DTNA: variants seen among roughly 807,000 people sequenced by gnomAD.
The protein encoded by DTNA is dystrobrevin alpha.
In DTNA, 43 loss-of-function variants were observed where a neutral mutation model predicts 100.7. That is an observed-to-expected ratio of 0.43 (90% CI 0.33 to 0.55). The LOEUF is 0.55. Ranked by LOEUF, DTNA falls within the 20% of genes least tolerant of loss-of-function variation. The pLI is 0.04. For synonymous variants in DTNA, 349 were observed against 347.9 expected (o/e 1.00, Z -0.04); for missense variants, 798 against 953.9 (o/e 0.84, Z 2.15).
intron 13 of DTNA, among the ~76,000 whole-genome samples, chr18:34,847,352 T>TA (rs2096398359): frequency 6.6e-6 from 1 of 152,162 alleles, no homozygotes; most frequent in Non-Finnish European, 1.5e-5. Context: ...AAAGTAAATA[T>TA]AAAAGGCAGG....
intron 1 of DTNA, among the ~76,000 whole-genome samples, chr18:34,561,646 G>C (rs751969273): frequency 1.3e-5 from 2 of 152,128 alleles, no homozygotes; most frequent in East Asian, 1.9e-4. Context: ...GGCCTTATTT[G>C]CTTGTCTTCT....
intron 1 of DTNA, chr18:34,683,638 G>T (rs894245655): frequency 6.6e-6 from 1 of 152,112 alleles, no homozygotes; most frequent in African/African-American, 2.4e-5. Flanking sequence ...ATGCGCAAAT[G>T]CCATCATGAA....
intron 1 of DTNA, among the ~76,000 whole-genome samples, chr18:34,746,287 A>T (rs2091569747): frequency 6.6e-6 from 1 of 152,116 alleles, no homozygotes; most frequent in Non-Finnish European, 1.5e-5. Context: ...AGAAACAGAT[A>T]TATTTTCATG....
At chr18:34,650,595 G>A (rs1004733949) in intron 1 of DTNA, among the ~76,000 whole-genome samples, 1 of 152,104 alleles carries the variant, frequency 6.6e-6, no homozygotes. Flanking sequence ...TTCTTAGCCT[G>A]TGGCACCTTC....
chr18:34,842,380 T>A (rs2096284014), intron 13 of DTNA, among the ~76,000 whole-genome samples: 1 of 152,174 alleles, frequency 6.6e-6, no homozygotes, highest in African/African-American at 2.4e-5. Context: ...AAAAGACATC[T>A]AAGAATGCCT....
intron 3 of DTNA, among the ~76,000 whole-genome samples, chr18:34,777,951 T>C (rs1292995460): frequency 6.6e-6 from 1 of 152,214 alleles, no homozygotes; most frequent in Non-Finnish European, 1.5e-5. Context: ...ATAAGGCTTC[T>C]AAAAATCTTA....
intron 1 of DTNA, among the ~76,000 whole-genome samples, chr18:34,717,910 G>T (rs1300474536): frequency 6.6e-6 from 1 of 152,146 alleles, no homozygotes; most frequent in Admixed American, 6.6e-5. Flanking sequence ...TGTGTAGACA[G>T]AAATGAGTCC....
At chr18:34,675,392 C>CGGGT (rs2077278475) in intron 1 of DTNA, among the ~76,000 whole-genome samples, 1 of 151,960 alleles carries the variant, frequency 6.6e-6, no homozygotes, top group African/African-American at 2.4e-5. Context: ...TTTAGGCTAC[C>CGGGT]CGTTCTTGAA....
chr18:34,521,332 C>T (rs1279055174), intron 1 of DTNA, among the ~76,000 whole-genome samples: 1 of 152,178 alleles, frequency 6.6e-6, no homozygotes, highest in Non-Finnish European at 1.5e-5. Context: ...GCCATTCAAT[C>T]CAAATCACTA....
At chr18:34,655,359 C>G (rs937678516) in intron 1 of DTNA, among the ~76,000 whole-genome samples, 1 of 152,088 alleles carries the variant, frequency 6.6e-6, no homozygotes, top group Non-Finnish European at 1.5e-5. Flanking sequence ...CCAAGGCCTC[C>G]TCCCCCACCT....
At chr18:34,778,719 A>T (rs2094176258) in intron 3 of DTNA, among the ~76,000 whole-genome samples, 1 of 152,220 alleles carries the variant, frequency 6.6e-6, no homozygotes, top group Admixed American at 6.5e-5. Flanking sequence ...TGGTACCCCT[A>T]AAAAATGTTC....
chr18:34,666,614 G>A (rs561208704), intron 1 of DTNA, among the ~76,000 whole-genome samples: 63 of 152,260 alleles, frequency 4.1e-4, no homozygotes, highest in Non-Finnish European at 6.5e-4. Context: ...TATAAGGAAG[G>A]GATCCAGTTT....
At position 34,744,165 on chromosome 18, in the gene DTNA, A is replaced by G. The variant is rs139297838; in HGVS notation, c.-1-11811A>G. On this transcript the variant is annotated intron_variant, in intron 1 of 22. Coordinates refer to ENST00000444659, the MANE Select transcript of DTNA (RefSeq NM_001386795.1). ...ATTAATGACATAAAATAAACTTCCC[A>G]TGGTGAAATTTCAAGGTACATCTCA... Among the ~76,000 whole-genome samples, 958 of 152,286 alleles carry G rather than the reference A, an allele frequency of 6.3e-3. 9 individuals are homozygous for G. Among genetic ancestry groups the G allele is most frequent in the African/African-American group, 0.022 (920 of 41,572 alleles).
Position 34,794,054 on chromosome 18 carries a change from T to C in DTNA, c.166T>C (p.Trp56Arg). Residue 56 changes from tryptophan (W) to arginine (R), a missense_variant, in exon 4 of 23, where the codon TGG (tryptophan) becomes CGG (arginine). Physicochemically the swap from Trp to Arg is moderately radical, Grantham distance 101. This residue lies in a region of DTNA where 197 missense variants were observed against 215.4 expected (regional missense o/e 0.91). Coordinates refer to ENST00000444659, the MANE Select transcript of DTNA (RefSeq NM_001386795.1). ...KKCNLHLVDI[W>R]NVIEALRENA... ...AATTGTAGTGCACCTGGTGGACATA[T>C]GGAATGTCATAGAAGCATTGCGGGA... 6.2e-7 allele frequency: 1 copy of C among 1,614,050 alleles called. No individual in the cohort carries two copies. Among genetic ancestry groups the C allele is most frequent in the Non-Finnish European group, 8.5e-7 (1 of 1,179,984 alleles).
chr18:34,810,244 C>A (rs1458452875), intron 5 of DTNA, among the ~76,000 whole-genome samples: 2 of 152,026 alleles, frequency 1.3e-5, no homozygotes, highest in Non-Finnish European at 2.9e-5. Context: ...GTTGTTTTGC[C>A]TCTACGCCTA....
chr18:34,766,622 T>C (rs1244503634), intron 3 of DTNA, among the ~76,000 whole-genome samples: 2 of 152,058 alleles, frequency 1.3e-5, no homozygotes, highest in Admixed American at 6.6e-5. Flanking sequence ...TGTATACATA[T>C]GTAACAAACC....
chr18:34,676,365 G>A (rs369442856), intron 1 of DTNA, among the ~76,000 whole-genome samples: 2 of 152,164 alleles, frequency 1.3e-5, no homozygotes, highest in East Asian at 3.9e-4. Context: ...ATGGTACTCT[G>A]TGGTAAGACA....
At chr18:34,712,705 T>A (rs1334848757) in intron 1 of DTNA, among the ~76,000 whole-genome samples, 1 of 152,166 alleles carries the variant, frequency 6.6e-6, no homozygotes, top group Non-Finnish European at 1.5e-5. Flanking sequence ...TTGTTTCAAC[T>A]CTTGTTTAAA....
In DTNA at chr18:34,628,977, A is replaced by G. The variant is rs541202252; in HGVS notation, c.-1-126999A>G. 1.2e-4 allele frequency among the ~76,000 whole-genome samples: 18 copies of G among 152,282 alleles called. No individual in the cohort carries two copies. The South Asian group carries it at 3.3e-3, about 28-fold the overall frequency. On this transcript the variant is annotated intron_variant, in intron 1 of 19. Coordinates refer to the DTNA transcript ENST00000283365. ...CCTCCCCATAAATGATATTATCTCA[A>G]TCTAACACTGTACCCACATTAACCG...
Sources: gnomAD v4.1 joint callset for allele counts (sites outside exome capture counted in the v4.1 genomes callset) on GRCh38, gnomAD v4.1.1 for gene constraint, gnomAD v4.1.1 regional missense constraint, MANE v1.5 for transcripts, NCBI Gene and HGNC (gene_info 2026-07-23, HGNC 2026-07-21) for gene names.